The following LRRTM4 variants were observed in gnomAD, a reference collection of about 807,000 sequenced individuals.
LRRTM4 encodes the protein leucine-rich repeat transmembrane neuronal protein 4.
Under a neutral mutation model 47.6 loss-of-function variants are expected in LRRTM4, and 25 were observed. The ratio of observed to expected loss-of-function variants is 0.53; its 90% CI spans 0.38 to 0.73. The LOEUF (loss-of-function observed/expected upper bound fraction) is 0.73. LRRTM4 is among the 30% of genes least tolerant of loss of function. The probability of loss-of-function intolerance (pLI) is 0.00; values close to 1 mark genes in which losing one functional copy is unlikely to be tolerated. For synonymous variants in LRRTM4, 311 were observed against 269.5 expected (o/e 1.15, Z -1.51); for missense variants, 638 against 713.4 (o/e 0.89, Z 1.20).
intron 3 of LRRTM4, among the ~76,000 whole-genome samples, chr2:77,002,385 A>AT (rs1268937703): frequency 6.6e-6 from 1 of 152,058 alleles, no homozygotes; most frequent in Non-Finnish European, 1.5e-5. Context: ...AGAGGAAGTC[A>AT]TTTTTTCCTG....
At chr2:77,217,157 T>C (rs1674471123) in intron 3 of LRRTM4, among the ~76,000 whole-genome samples, 1 of 151,244 alleles carries the variant, frequency 6.6e-6, no homozygotes, top group Admixed American at 6.6e-5. Flanking sequence ...GGCACTTATA[T>C]CTTTCTCTTC....
chr2:76,900,666 T>C (rs1673593243), intron 3 of LRRTM4, among the ~76,000 whole-genome samples: 1 of 152,150 alleles, frequency 6.6e-6, no homozygotes, highest in Non-Finnish European at 1.5e-5. Flanking sequence ...CATTTAAGTA[T>C]CATTTAAAGT....
intron 3 of LRRTM4, among the ~76,000 whole-genome samples, chr2:77,498,667 G>A (rs1199459930): frequency 2.0e-5 from 3 of 151,746 alleles, no homozygotes; most frequent in Non-Finnish European, 2.9e-5. Context: ...ATTTTCTCTA[G>A]CATGTACTTA....
intron 3 of LRRTM4, among the ~76,000 whole-genome samples, chr2:77,000,042 G>A (rs1677357966): frequency 6.6e-6 from 1 of 151,480 alleles, no homozygotes; most frequent in Admixed American, 6.6e-5. Flanking sequence ...ATTACTGAAG[G>A]TAGACTGAAA....
chr2:76,974,237 T>TACACACATAC (rs1480645882), intron 3 of LRRTM4, among the ~76,000 whole-genome samples: 16 of 138,796 alleles, frequency 1.2e-4, no homozygotes, highest in African/African-American at 4.4e-4. Flanking sequence ...CATATATATA[T>TACACACATAC]ATACATATAT....
chr2:77,432,136 C>G (rs528242601), intron 3 of LRRTM4, among the ~76,000 whole-genome samples: 2 of 152,144 alleles, frequency 1.3e-5, no homozygotes, highest in African/African-American at 2.4e-5. Flanking sequence ...CCAAACCCAA[C>G]AGGGCAGACA....
At chr2:77,059,504 T>C (rs1679717131) in intron 3 of LRRTM4, among the ~76,000 whole-genome samples, 1 of 152,180 alleles carries the variant, frequency 6.6e-6, no homozygotes, top group Non-Finnish European at 1.5e-5. Flanking sequence ...TCCTCCTCAA[T>C]CATCATTTGG....
chr2:77,362,500 A>G (rs1672280820), intron 3 of LRRTM4, among the ~76,000 whole-genome samples: 1 of 152,208 alleles, frequency 6.6e-6, no homozygotes, highest in Admixed American at 6.5e-5. Context: ...ATATTAGAAA[A>G]GGTTAAACTA....
chr2:77,238,234 TATA>T (rs1204179411), intron 3 of LRRTM4, among the ~76,000 whole-genome samples: 1 of 152,204 alleles, frequency 6.6e-6, no homozygotes, highest in Admixed American at 6.6e-5. Context: ...ATATGTATCC[TATA>T]ATATCATGTT....
chr2:76,902,999 T>C (rs554971015), intron 3 of LRRTM4, among the ~76,000 whole-genome samples: 5 of 152,194 alleles, frequency 3.3e-5, no homozygotes, highest in Non-Finnish European at 7.3e-5. Context: ...TTTTAAACTG[T>C]CAATCAAATT....
intron 3 of LRRTM4, among the ~76,000 whole-genome samples, chr2:76,792,636 G>A (rs1675036969): frequency 6.6e-6 from 1 of 152,002 alleles, no homozygotes; most frequent in African/African-American, 2.4e-5. Flanking sequence ...TAGTAATGTT[G>A]CTCCTGCTAA....
chr2:77,388,893 A>G (rs972922202), intron 3 of LRRTM4, among the ~76,000 whole-genome samples: 1 of 152,082 alleles, frequency 6.6e-6, no homozygotes, highest in Non-Finnish European at 1.5e-5. Flanking sequence ...TTCATATATA[A>G]TGCAAGTATT....
chr2:77,433,414 A>G (rs1217209391), intron 3 of LRRTM4, among the ~76,000 whole-genome samples: 2 of 152,150 alleles, frequency 1.3e-5, no homozygotes, highest in Non-Finnish European at 2.9e-5. Flanking sequence ...TAACCATAAC[A>G]CTTTAAAATC....
intron 3 of LRRTM4, among the ~76,000 whole-genome samples, chr2:77,380,964 G>A (rs898297610): frequency 1.3e-5 from 2 of 151,862 alleles, no homozygotes; most frequent in Non-Finnish European, 2.9e-5. Context: ...GATAATAAAC[G>A]AATAAATGAA....
intron 3 of LRRTM4, among the ~76,000 whole-genome samples, chr2:77,146,356 T>A (rs1438035518): frequency 6.6e-6 from 1 of 152,172 alleles, no homozygotes; most frequent in Non-Finnish European, 1.5e-5. Flanking sequence ...TGCTCTCAAA[T>A]TTTTTCAAGA....
chr2:76,828,386 A>G (rs564340977), intron 3 of LRRTM4, among the ~76,000 whole-genome samples: 156 of 152,102 alleles, frequency 1.0e-3, no homozygotes, highest in Non-Finnish European at 1.8e-3. Flanking sequence ...AAGTGGAAGC[A>G]ATATCACTGT....
chr2:76,975,295 T>C (rs13393154), intron 3 of LRRTM4, among the ~76,000 whole-genome samples: 38,115 of 151,684 alleles, frequency 0.25, 6,216 homozygotes, highest in African/African-American at 0.46. Context: ...ATAGCTGTAA[T>C]AGCTAGTTTA....
intron 3 of LRRTM4, among the ~76,000 whole-genome samples, chr2:77,374,112 T>TA (rs1334136467): frequency 1.3e-5 from 2 of 151,542 alleles, no homozygotes; most frequent in Non-Finnish European, 3.0e-5. Context: ...TGCATAAAAA[T>TA]AAAAAATTTC....
At chr2:76,991,849 C>T (rs111269418) in intron 3 of LRRTM4, among the ~76,000 whole-genome samples, 18,112 of 151,696 alleles carry the variant, frequency 0.12, 1,474 homozygotes, top group East Asian at 0.38. Flanking sequence ...AAACTCAAAG[C>T]CAATATCCCT....
Sources: allele counts gnomAD v4.1 joint callset (sites outside exome capture counted in the v4.1 genomes callset), GRCh38; gene constraint gnomAD v4.1.1; transcripts MANE v1.5; gene names NCBI Gene and HGNC (gene_info 2026-07-23, HGNC 2026-07-21).